CRTC3: variants seen among roughly 807,000 people sequenced by gnomAD.
The protein encoded by CRTC3 is CREB regulated transcription coactivator 3.
A neutral mutation model predicts 74.5 loss-of-function variants in CRTC3; 26 were observed. The observed-to-expected ratio is 0.35, with a 90% CI of 0.26 to 0.48. CRTC3 has a LOEUF of 0.48. CRTC3 is among the 20% of genes least tolerant of loss of function. The probability of loss-of-function intolerance (pLI) is 0.99; values close to 1 mark genes in which losing one functional copy is unlikely to be tolerated. For missense variants in CRTC3, 760 were observed against 787.3 expected (o/e 0.97, Z 0.41); for synonymous variants, 377 against 325.8 (o/e 1.16, Z -1.69).
chr15:90,564,932 TCC>T (rs1369403826), intron 2 of CRTC3, among the ~76,000 whole-genome samples: 6 of 21,056 alleles, frequency 2.8e-4, no homozygotes, highest in African/African-American at 4.9e-4. Flanking sequence ...CTTCCTTCCT[TCC>T]TTCCTTCCTT....
At chr15:90,552,309 C>T (rs928111754) in intron 2 of CRTC3, among the ~76,000 whole-genome samples, 1 of 152,198 alleles carries the variant, frequency 6.6e-6, no homozygotes, top group East Asian at 1.9e-4. Context: ...CTGCCTTAAG[C>T]CACAAATGAC....
rs796176957 is a variant in CRTC3 at position 90,642,564 on chromosome 15, C to T, written c.*424C>T. 51 of 311,176 alleles carry T rather than the reference C, an allele frequency of 1.6e-4. No individual in the cohort carries two copies. Among genetic ancestry groups the T allele is most frequent in the African/African-American group, 1.0e-3 (48 of 47,400 alleles). 19.3% of individuals were successfully genotyped at this position (311,176 alleles called of 1,614,324 possible). A position where few individuals can be genotyped will look rare whatever the true frequency, so the allele number is the denominator to read the frequency against. On this transcript the variant is annotated 3_prime_UTR_variant, in exon 15 of 15. Transcript: ENST00000268184. Reference sequence around the variant, plus strand: ...CCGGAGTGGGAGGCTCGGCCTGGGGCGGCGGCACCGGAGAGGGCACCTCGA... The same window carrying T: ...CCGGAGTGGGAGGCTCGGCCTGGGGTGGCGGCACCGGAGAGGGCACCTCGA...
chr15:90,622,331 GT>G (rs897356564), intron 9 of CRTC3, among the ~76,000 whole-genome samples: 3 of 152,276 alleles, frequency 2.0e-5, no homozygotes, highest in Admixed American at 2.0e-4. Flanking sequence ...CTAATGACCT[GT>G]TTCACAGTGG....
At chr15:90,616,866 G>T (rs920168471) in intron 7 of CRTC3, among the ~76,000 whole-genome samples, 3 of 152,178 alleles carry the variant, frequency 2.0e-5, no homozygotes, top group Admixed American at 1.3e-4. Flanking sequence ...CCTCTTGGTT[G>T]TTGGTTCCTC....
intron 11 of CRTC3, 54 bp from the exon 12 acceptor site, chr15:90,638,392 C>A: frequency 1.3e-6 from 2 of 1,495,766 alleles, no homozygotes; most frequent in Non-Finnish European, 1.9e-6. Flanking sequence ...TCCTAAAGGA[C>A]TTAACGCCAG....
intron 14 of CRTC3, 55 bp downstream of exon 14, chr15:90,641,254 G>C (rs2151099213): frequency 8.4e-7 from 1 of 1,186,056 alleles, no homozygotes; most frequent in South Asian, 1.2e-5. Context: ...GTGTGTTCAG[G>C]AACCTTCATA....
At chr15:90,572,043 T>C (rs968653076) in intron 2 of CRTC3, among the ~76,000 whole-genome samples, 2 of 151,554 alleles carry the variant, frequency 1.3e-5, no homozygotes, top group African/African-American at 4.9e-5. Context: ...GTGCCTGTAA[T>C]CCCAGCTACT....
intron 1 of CRTC3, chr15:90,539,774 C>T: frequency 2.6e-6 from 1 of 387,286 alleles, no homozygotes; most frequent in East Asian, 6.0e-5. Flanking sequence ...CCAGTGTATC[C>T]AAACATACAC....
intron 2 of CRTC3, among the ~76,000 whole-genome samples, chr15:90,591,159 T>G (rs1967791538): frequency 6.6e-6 from 1 of 151,690 alleles, no homozygotes; most frequent in African/African-American, 2.4e-5. Context: ...AAGTGAGGGC[T>G]TGCAGTGTTA....
At chr15:90,542,749 C>A (rs1410300688) in intron 2 of CRTC3, among the ~76,000 whole-genome samples, 1 of 152,314 alleles carries the variant, frequency 6.6e-6, no homozygotes, top group South Asian at 2.1e-4. Context: ...TCTGGAACAG[C>A]TTTTCAGCCT....
Position 90,625,852 on chromosome 15 carries a change from G to A in CRTC3, c.826G>A (p.Asp276Asn). The A allele has an allele frequency of 6.2e-7, 1 of 1,614,170 alleles. No homozygotes were observed. Among genetic ancestry groups the A allele is most frequent in the South Asian group, 1.1e-5 (1 of 91,080 alleles). The change falls in exon 10 of 15, where the codon GAT (aspartate) becomes AAT (asparagine). Residue 276 changes from aspartate (D) to asparagine (N), a missense_variant. This residue lies in a region of CRTC3 where 652 missense variants were observed against 635.2 expected (regional missense o/e 1.03). Coordinates refer to ENST00000268184, the MANE Select transcript of CRTC3 (RefSeq NM_022769.5). ...CTTGAACACTGGAGGGTCATTGCCA[G>A]ATCTAACCAACCTCCACTACTCGAC... ...GTLNTGGSLP[D>N]LTNLHYSTPL...
At chr15:90,549,018 G>A (rs1397860262) in intron 2 of CRTC3, among the ~76,000 whole-genome samples, 1 of 152,120 alleles carries the variant, frequency 6.6e-6, no homozygotes, top group Non-Finnish European at 1.5e-5. Flanking sequence ...TTCTTTTTCT[G>A]ATTATAAATG....
chr15:90,570,753 C>T (rs1269322969), intron 2 of CRTC3, among the ~76,000 whole-genome samples: 1 of 152,038 alleles, frequency 6.6e-6, no homozygotes, highest in Non-Finnish European at 1.5e-5. Context: ...AGCCAAAGTC[C>T]CCAGAAATGA....
rs1966721852 is a variant in CRTC3, at chr15:90,536,498, A to AG, written c.133-3541_133-3540insG. Among the ~76,000 whole-genome samples the AG allele has an allele frequency of 4.6e-5, 7 of 152,090 alleles. No individual in the cohort carries two copies. In the South Asian group the frequency reaches 1.5e-3, roughly 32 times the overall value. ...CAACAGAGACCCTGTCTCAAAAAAAAAAAAAAATTGCTCTGACTATTCTAG... is the reference window on the plus strand; with the variant it reads ...CAACAGAGACCCTGTCTCAAAAAAAAGAAAAAAATTGCTCTGACTATTCTAG... On this transcript the variant is annotated intron_variant, in intron 1 of 14. Transcript: ENST00000268184.
At chr15:90,635,139 T>G in intron 11 of CRTC3, 1 of 595,754 alleles carries the variant, frequency 1.7e-6, no homozygotes, top group Non-Finnish European at 3.0e-6. Flanking sequence ...AATAAACTAA[T>G]GATAACTAAT....
At chr15:90,636,130 G>A (rs1328428825) in intron 11 of CRTC3, among the ~76,000 whole-genome samples, 3 of 151,896 alleles carry the variant, frequency 2.0e-5, no homozygotes, top group Non-Finnish European at 2.9e-5. Flanking sequence ...CAAAGCTGGA[G>A]GCATCATGCT....
intron 5 of CRTC3, among the ~76,000 whole-genome samples, chr15:90,606,333 A>C (rs1227365060): frequency 6.6e-6 from 1 of 151,226 alleles, no homozygotes; most frequent in African/African-American, 2.4e-5. Context: ...AGGCTGAGGC[A>C]GGTGGATCAC....
chr15:90,568,133 G>A (rs766281302), intron 2 of CRTC3, among the ~76,000 whole-genome samples: 1 of 152,188 alleles, frequency 6.6e-6, no homozygotes, highest in African/African-American at 2.4e-5. Context: ...AATAGCCAGA[G>A]ATCTAGAATT....
chr15:90,630,061 C>T (rs1377578782), intron 11 of CRTC3, among the ~76,000 whole-genome samples: 1 of 152,146 alleles, frequency 6.6e-6, no homozygotes, highest in African/African-American at 2.4e-5. Flanking sequence ...AGCAGATTTG[C>T]TGTGTTGATT....
Sources: allele counts gnomAD v4.1 joint callset (sites outside exome capture counted in the v4.1 genomes callset), GRCh38; gene constraint gnomAD v4.1.1; regional missense constraint gnomAD v4.1.1; transcripts MANE v1.5; gene names NCBI Gene and HGNC (gene_info 2026-07-23, HGNC 2026-07-21).